Variants in ARHGEF3 observed in about 807,000 individuals in gnomAD.
The protein encoded by ARHGEF3 is 59.8 kDA protein.
A neutral mutation model predicts 63.2 loss-of-function variants in ARHGEF3; 28 were observed. The observed-to-expected ratio is 0.44, with a 90% CI of 0.33 to 0.61. The LOEUF (loss-of-function observed/expected upper bound fraction) is 0.61. ARHGEF3 is among the 20% of genes least tolerant of loss of function. The probability of loss-of-function intolerance (pLI) is 0.03; values close to 1 mark genes in which losing one functional copy is unlikely to be tolerated. For missense variants in ARHGEF3, 533 were observed against 659.3 expected (o/e 0.81, Z 2.10); for synonymous variants, 266 against 254.2 (o/e 1.05, Z -0.44).
chr3:56,837,010 C>G lies in ARHGEF3; in HGVS notation c.192+45282G>C, dbSNP rs141809055. ...CATTACGTAATCTTTATTTCACCCT[C>G]TTCCAGAAGACCCATTCTCCAAATA... is the stretch of plus-strand genomic sequence containing the variant. On this transcript the variant is annotated intron_variant, in intron 4 of 12. Transcript: ENST00000338458. Among the ~76,000 whole-genome samples, 6 of 152,320 alleles carry G rather than the reference C, an allele frequency of 3.9e-5. 1 individual carries two copies. The highest frequency in any genetic ancestry group is 9.6e-5 in the African/African-American group (4 of 41,580).
chr3:56,815,754 C>T (rs1459430446), intron 4 of ARHGEF3, among the ~76,000 whole-genome samples: 1 of 152,226 alleles, frequency 6.6e-6, no homozygotes, highest in Non-Finnish European at 1.5e-5. Flanking sequence ...CCTACACTGT[C>T]TTCTTCCTAC....
At chr3:56,820,675 T>G (rs2038453779) in intron 4 of ARHGEF3, among the ~76,000 whole-genome samples, 1 of 151,896 alleles carries the variant, frequency 6.6e-6, no homozygotes. Flanking sequence ...GTGGACCATG[T>G]TGGGATACTG....
chr3:57,076,246 A>C (rs1706216332), intron 1 of ARHGEF3, among the ~76,000 whole-genome samples: 1 of 152,092 alleles, frequency 6.6e-6, no homozygotes, highest in African/African-American at 2.4e-5. Flanking sequence ...TTGGCCTTGA[A>C]GGGTTACTAA....
chr3:56,927,208 CT>C, intron 3 of ARHGEF3, among the ~76,000 whole-genome samples: 1 of 152,204 alleles, frequency 6.6e-6, no homozygotes, highest in Non-Finnish European at 1.5e-5. Context: ...GCAAAAAGTT[CT>C]TGTGAGAATC....
chr3:57,065,651 A>G (rs1705486114), intron 1 of ARHGEF3, among the ~76,000 whole-genome samples: 1 of 152,162 alleles, frequency 6.6e-6, no homozygotes, highest in African/African-American at 2.4e-5. Context: ...TAAATGTTTA[A>G]TGTCTTCCAA....
At chr3:56,785,325 A>C (rs747177701) in intron 1 of ARHGEF3, among the ~76,000 whole-genome samples, 1 of 152,178 alleles carries the variant, frequency 6.6e-6, no homozygotes, top group African/African-American at 2.4e-5. Flanking sequence ...GGAAAGCAGT[A>C]AAATCTCAAG....
intron 4 of ARHGEF3, among the ~76,000 whole-genome samples, chr3:56,827,842 G>A (rs1209927126): frequency 6.8e-6 from 1 of 146,436 alleles, no homozygotes; most frequent in East Asian, 2.0e-4. Context: ...GGAGGCTGAG[G>A]CTGAGATAGG....
intron 2 of ARHGEF3, among the ~76,000 whole-genome samples, chr3:57,031,656 C>T (rs866469787): frequency 6.6e-6 from 1 of 152,310 alleles, no homozygotes; most frequent in African/African-American, 2.4e-5. Context: ...TCAATGCCCA[C>T]CAAATGAACA....
chr3:56,967,313 T>A lies in ARHGEF3; in HGVS notation c.63-8424A>T, dbSNP rs1475014180. The stretch of plus-strand genomic sequence containing the variant: ...TATTATACAAATTATATATTATATA[T>A]TATATATTATATATTATATATTGTA... On this transcript the variant is annotated intron_variant, in intron 2 of 12. Transcript: ENST00000338458. 4.9e-4 allele frequency among the ~76,000 whole-genome samples: 23 copies of A among 46,576 alleles called. 1 individual carries two copies. The highest frequency in any genetic ancestry group is 1.1e-3 in the Admixed American group (3 of 2,684). 30.6% of individuals were successfully genotyped at this position (46,576 alleles called of 152,430 possible).
intron 2 of ARHGEF3, among the ~76,000 whole-genome samples, chr3:56,757,429 G>A (rs1030954091): frequency 1.3e-5 from 2 of 151,878 alleles, no homozygotes; most frequent in Admixed American, 6.6e-5. Context: ...AGCCAAGATC[G>A]TGCCACTGCA....
intron 1 of ARHGEF3, chr3:57,078,928 G>GCTC (rs1706338486): frequency 3.5e-6 from 1 of 288,866 alleles, no homozygotes; most frequent in African/African-American, 2.2e-5. Flanking sequence ...CCCAGCAGGA[G>GCTC]CGACGGCTAG....
intron 3 of ARHGEF3, among the ~76,000 whole-genome samples, chr3:56,939,570 A>G (rs562763078): frequency 2.6e-5 from 4 of 152,226 alleles, no homozygotes; most frequent in African/African-American, 9.6e-5. Flanking sequence ...TAAGAACACA[A>G]TTTTCTAGGA....
At chr3:56,947,721 A>T (rs1440649506) in intron 3 of ARHGEF3, among the ~76,000 whole-genome samples, 1 of 152,192 alleles carries the variant, frequency 6.6e-6, no homozygotes, top group Non-Finnish European at 1.5e-5. Context: ...CAGATCAACG[A>T]GACAGAAAGT....
chr3:56,962,426 G>A (rs1450115170), intron 2 of ARHGEF3, among the ~76,000 whole-genome samples: 2 of 152,214 alleles, frequency 1.3e-5, no homozygotes, highest in Non-Finnish European at 2.9e-5. Context: ...TGGAGGGCGT[G>A]TCTATCGTCT....
At chr3:57,074,172 T>C (rs779509957) in intron 1 of ARHGEF3, 1 of 1,614,144 alleles carries the variant, frequency 6.2e-7, no homozygotes, top group Admixed American at 1.7e-5. Context: ...TAGCACAGGG[T>C]GCAGCCGTTC....
intron 2 of ARHGEF3, among the ~76,000 whole-genome samples, chr3:56,995,654 A>AGAGAGAGAGAGAGAGAGAGG (rs1701950992): frequency 8.0e-6 from 1 of 124,724 alleles, no homozygotes; most frequent in Admixed American, 8.3e-5. Flanking sequence ...AGAGAGAGAG[A>AGAGAGAGAGAGAGAGAGAGG]GAGAGAGAGA....
chr3:56,923,025 AATATAT>A (rs72294634), intron 3 of ARHGEF3, among the ~76,000 whole-genome samples: 946 of 90,286 alleles, frequency 0.01, 3 homozygotes, highest in Non-Finnish European at 0.014. Context: ...ATCTCTACTA[AATATAT>A]ATATATATAT....
intron 4 of ARHGEF3, among the ~76,000 whole-genome samples, chr3:56,811,985 C>T (rs1264504365): frequency 1.3e-5 from 2 of 152,230 alleles, no homozygotes; most frequent in Non-Finnish European, 2.9e-5. Context: ...TCTGTCTCCA[C>T]TGCCTGGCTG....
intron 3 of ARHGEF3, among the ~76,000 whole-genome samples, chr3:56,935,592 A>T (rs1039376672): frequency 6.6e-6 from 1 of 152,072 alleles, no homozygotes; most frequent in African/African-American, 2.4e-5. Flanking sequence ...CACCGGGAGG[A>T]ACGAACAACT....
Sources: allele counts gnomAD v4.1 joint callset (sites outside exome capture counted in the v4.1 genomes callset), GRCh38; gene constraint gnomAD v4.1.1; transcripts MANE v1.5; gene names NCBI Gene and HGNC (gene_info 2026-07-23, HGNC 2026-07-21).